Variants in ADAMTS13 observed in about 807,000 individuals in gnomAD.
ADAMTS13 encodes the protein ADAM metallopeptidase with thrombospondin type 1 motif 13.
ADAMTS13 carries 110 observed loss-of-function variants against 155.1 expected under a neutral mutation model. That is an observed-to-expected ratio of 0.71 (90% CI 0.61 to 0.83). The LOEUF is 0.83. Ranked by LOEUF, ADAMTS13 falls within the 40% of genes least tolerant of loss-of-function variation. The pLI is 0.00. For missense variants in ADAMTS13, 1,707 were observed against 1,891.7 expected (o/e 0.90, Z 1.81); for synonymous variants, 758 against 756.4 (o/e 1.00, Z -0.03).
At position 133,425,122 on chromosome 9, in the gene ADAMTS13, C is replaced by T. The variant is rs1002384827; in HGVS notation, c.331-407C>T. Among the ~76,000 whole-genome samples, 2 of 152,146 alleles carry T rather than the reference C, an allele frequency of 1.3e-5. No individual in the cohort carries two copies. The highest frequency in any genetic ancestry group is 3.9e-4 in the East Asian group (2 of 5,182). On this transcript the variant is annotated intron_variant, in intron 3 of 28. Coordinates refer to ENST00000355699, the MANE Select transcript of ADAMTS13 (RefSeq NM_139027.6). This position sits in a 1 kb window ranked among gnomAD's most constrained non-coding sequence, Gnocchi z 4.6. Reference sequence around the variant, plus strand: ...GGTGGATCACCCGAAGTCAGGAGTTCAAGACCAGCCTGGCCAACATGGTGA... The same window carrying T: ...GGTGGATCACCCGAAGTCAGGAGTTTAAGACCAGCCTGGCCAACATGGTGA...
intron 1 of ADAMTS13, among the ~76,000 whole-genome samples, chr9:133,416,062 G>A (rs13300216): frequency 0.055 from 8,334 of 152,248 alleles, 325 homozygotes; most frequent in Non-Finnish European, 0.087. Flanking sequence ...AAGAAAAAAC[G>A]TTTATGTAGC....
Position 133,425,023 on chromosome 9 carries a change from C to T in ADAMTS13, c.331-506C>T, listed in dbSNP as rs910643124. Among the ~76,000 whole-genome samples the T allele has an allele frequency of 3.3e-5, 5 of 151,990 alleles. No homozygotes were observed. The Admixed American group carries it at 3.3e-4, about 10-fold the overall frequency. On this transcript the variant is annotated intron_variant, in intron 3 of 28. Coordinates refer to ENST00000355699, the MANE Select transcript of ADAMTS13 (RefSeq NM_139027.6). The surrounding 1 kb of genome is among the most constrained non-coding windows in gnomAD (Gnocchi z 4.6). ...AGGGAAGCACTCCCCCACTAGCCGC[C>T]GTCTCAGAAAGACAAACAAGGCCAG...
At chr9:133,444,680 C>T (rs770277746) in intron 19 of ADAMTS13, among the ~76,000 whole-genome samples, 183 bp from the exon 20 acceptor site, 3 of 152,194 alleles carry the variant, frequency 2.0e-5, no homozygotes, top group Non-Finnish European at 4.4e-5. Flanking sequence ...AACCTGCTGG[C>T]TGATGAATGG....
rs979128803 is a variant in ADAMTS13 at position 133,445,586 on chromosome 9, G to C, written c.2611-113G>C. 13 of 1,545,168 alleles carry C rather than the reference G, an allele frequency of 8.4e-6. No individual in the cohort carries two copies. In the African/African-American group the frequency reaches 1.8e-4, roughly 21 times the overall value. ...AAGGGAGGAGGGGAGGGAGCCCCTG[G>C]TGCACACACGCCACTTCCTGGTCTC... On this transcript the variant is annotated intron_variant, in intron 20 of 28. Coordinates refer to ENST00000355699, the MANE Select transcript of ADAMTS13 (RefSeq NM_139027.6). This position sits in a 1 kb window ranked among gnomAD's most constrained non-coding sequence, Gnocchi z 5.0.
At chr9:133,417,700 G>A, upstream of ADAMTS13, 1 of 1,614,118 alleles carries the variant, frequency 6.2e-7, no homozygotes, top group Middle Eastern at 1.7e-4. Flanking sequence ...CCGCTTGCTG[G>A]CTTCTTGCTT....
At chr9:133,453,655 G>A (rs1393025616) in intron 23 of ADAMTS13, among the ~76,000 whole-genome samples, 3 of 152,278 alleles carry the variant, frequency 2.0e-5, no homozygotes, top group Middle Eastern at 3.4e-3. Flanking sequence ...GGGCGAGACC[G>A]TGTCTCAAAG....
chr9:133,456,579 G>A lies in ADAMTS13; in HGVS notation c.3584G>A (p.Arg1195Lys). 6 of 1,613,614 alleles carry A rather than the reference G, an allele frequency of 3.7e-6. No homozygotes were observed. The highest frequency in any genetic ancestry group is 5.1e-6 in the Non-Finnish European group (6 of 1,179,978). Residue 1195 changes from arginine to lysine, a missense_variant, in exon 27 of 29, where the codon AGG (arginine) becomes AAG (lysine). Transcript: ENST00000355699. The surrounding 1 kb of genome is among the most constrained non-coding windows in gnomAD (Gnocchi z 4.4). ...CTGCTTTGGGGCCGGCTCACCTGGA[G>A]GAAGATGTGCAGGAAGCTGTTGGAC... ...MLLLWGRLTW[R>K]KMCRKLLDMT...
At position 133,440,027 on chromosome 9, in the gene ADAMTS13, C is replaced by G. The variant is rs587607274; in HGVS notation, c.1787-317C>G. Among the ~76,000 whole-genome samples the G allele has an allele frequency of 6.6e-6, 1 of 152,394 alleles. No individual in the cohort carries two copies. The highest frequency in any genetic ancestry group is 2.1e-4 in the South Asian group (1 of 4,830). ...ACTTCTCTTTGGGCAAGGCCCGCTT[C>G]TTTGCTATTGAGGGCCACAGTGGGT... On this transcript the variant is annotated intron_variant, in intron 15 of 28. Transcript: ENST00000355699. The surrounding 1 kb of genome is among the most constrained non-coding windows in gnomAD (Gnocchi z 4.3).
chr9:133,418,105 G>T (rs116265968), upstream of ADAMTS13: 3,134 of 512,912 alleles, frequency 6.1e-3, 31 homozygotes, highest in African/African-American at 0.034. Flanking sequence ...CAGCCTGGGC[G>T]GTTCACCCGC....
In ADAMTS13 at chr9:133,445,809, C is replaced by T. The variant is rs587726656; in HGVS notation, c.2721C>T (p.Ser907=). The change falls in exon 21 of 29, where the codon TCC becomes TCT. Residue 907 remains serine (S), a synonymous_variant. Transcript: ENST00000355699. This position sits in a 1 kb window ranked among gnomAD's most constrained non-coding sequence, Gnocchi z 5.0. Reference sequence around the variant, plus strand: ...CTGCGGCAGGGTCGTGCTCCGTCTCCTGCGGGCGAGGTGAGGGCCCCCGGG... The same window carrying T: ...CTGCGGCAGGGTCGTGCTCCGTCTCTTGCGGGCGAGGTGAGGGCCCCCGGG... ...WTPAAGSCSV[S]CGRGLMELRF... 2.0e-5 allele frequency: 31 copies of T among 1,582,738 alleles called. No individual in the cohort carries two copies. In the African/African-American group the frequency reaches 3.9e-4, roughly 20 times the overall value.
At chr9:133,452,828 G>A (rs587751064) in intron 23 of ADAMTS13, among the ~76,000 whole-genome samples, 19 of 152,282 alleles carry the variant, frequency 1.2e-4, no homozygotes, top group South Asian at 4.1e-4. Context: ...TGACGTTGCT[G>A]TAGCCACGCT....
chr9:133,446,257 T>C (rs954835078), intron 21 of ADAMTS13, among the ~76,000 whole-genome samples: 1 of 152,222 alleles, frequency 6.6e-6, no homozygotes, highest in Non-Finnish European at 1.5e-5. Flanking sequence ...AGTCACATTG[T>C]TGTGCGGCCA....
chr9:133,439,488 A>C (rs1554790086), intron 15 of ADAMTS13, 42 bp downstream of exon 15: 8 of 1,543,316 alleles, frequency 5.2e-6, no homozygotes, highest in Non-Finnish European at 7.2e-6. Context: ...GCTAGACTGC[A>C]AAGGTGCAGA....
chr9:133,415,410 G>A (rs970463217), intron 1 of ADAMTS13, among the ~76,000 whole-genome samples: 4 of 147,450 alleles, frequency 2.7e-5, no homozygotes, highest in African/African-American at 7.4e-5. Flanking sequence ...CACAGAAATC[G>A]CTTTTTTTTT....
intron 24 of ADAMTS13, 119 bp downstream of exon 24, chr9:133,454,738 G>A: frequency 7.7e-7 from 1 of 1,301,494 alleles, no homozygotes; most frequent in Non-Finnish European, 1.1e-6. Context: ...AGGAAGGAGA[G>A]AGCTGCGCCC....
chr9:133,450,235 C>G (rs1420451443), intron 23 of ADAMTS13, among the ~76,000 whole-genome samples: 1 of 151,958 alleles, frequency 6.6e-6, no homozygotes, highest in Non-Finnish European at 1.5e-5. Flanking sequence ...GAGCTTGAGA[C>G]CAGCCTGGCC....
Position 133,457,521 on chromosome 9 carries a change from A to G in ADAMTS13, c.3725-389A>G, listed in dbSNP as rs36223194. ...CCCACACAGGCATCTGCCTTGAAAGAGGTGCAGGAGGTACAGGCAGGTGGG... is the reference window on the plus strand; with the variant it reads ...CCCACACAGGCATCTGCCTTGAAAGGGGTGCAGGAGGTACAGGCAGGTGGG... On this transcript the variant is annotated intron_variant, in intron 27 of 28. Transcript: ENST00000355699. Among the ~76,000 whole-genome samples the G allele has an allele frequency of 8.4e-3, 1,281 of 152,318 alleles. 8 individuals are homozygous for G. Among genetic ancestry groups the G allele is most frequent in the African/African-American group, 0.017 (722 of 41,572 alleles).
rs1554790447 is a variant in ADAMTS13 at position 133,440,540 on chromosome 9, C to T, written c.1968+15C>T. On this transcript the variant is annotated intron_variant, in intron 16 of 28. Transcript: ENST00000355699. The surrounding 1 kb of genome is among the most constrained non-coding windows in gnomAD (Gnocchi z 4.3). Reference sequence around the variant, plus strand: ...CTGACATCCAGGTCAGCAGGAGAGCCTGGGGGAGGCCAGTGGGGGCTTCTT... The same window carrying T: ...CTGACATCCAGGTCAGCAGGAGAGCTTGGGGGAGGCCAGTGGGGGCTTCTT... 1.3e-6 allele frequency: 2 copies of T among 1,585,098 alleles called. No individual in the cohort carries two copies. The highest frequency in any genetic ancestry group is 1.3e-5 in the African/African-American group (1 of 74,358).
chr9:133,438,351 G>A lies in ADAMTS13; in HGVS notation c.1690G>A (p.Ala564Thr). The change falls in exon 14 of 29, where the codon GCT becomes ACT. Residue 564 changes from alanine (A) to threonine (T), a missense_variant. Transcript: ENST00000355699. ...TCSPRKGSFTAGRAREYVTFL... is the reference protein window; with the variant it reads ...TCSPRKGSFTTGRAREYVTFL... ...CAGCCCACGGAAGGGCTCTTTCACA[G>A]CTGGCAGAGCGAGAGGTAGGCGGCC... 1 of 1,614,030 alleles carries A rather than the reference G, an allele frequency of 6.2e-7. No homozygotes were observed. The highest frequency in any genetic ancestry group is 8.5e-7 in the Non-Finnish European group (1 of 1,180,000).
Sources: allele counts gnomAD v4.1 joint callset (sites outside exome capture counted in the v4.1 genomes callset), GRCh38; gene constraint gnomAD v4.1.1; non-coding constraint Gnocchi (gnomAD v3.1); transcripts MANE v1.5; gene names NCBI Gene and HGNC (gene_info 2026-07-23, HGNC 2026-07-21).